RFX3: variants seen among roughly 807,000 people sequenced by gnomAD.
RFX3 encodes transcription factor RFX3.
RFX3 carries 14 observed loss-of-function variants against 98.6 expected under a neutral mutation model. The ratio of observed to expected loss-of-function variants is 0.14; its 90% CI spans 0.09 to 0.22. The LOEUF (loss-of-function observed/expected upper bound fraction) is 0.22, where lower values mean the gene tolerates loss of function less well. Ranked by LOEUF, RFX3 falls within the 10% of genes least tolerant of loss-of-function variation. RFX3 has a pLI of 1.00. For missense variants in RFX3, 639 were observed against 926.9 expected (o/e 0.69, Z 4.03); for synonymous variants, 383 against 328.4 (o/e 1.17, Z -1.80).
At chr9:3,488,683 C>T in intron 1 of RFX3, 1 of 592,806 alleles carries the variant, frequency 1.7e-6, no homozygotes, top group Non-Finnish European at 2.1e-6. Context: ...AGGCCTTAGA[C>T]ACAAAACTAC....
intron 3 of RFX3, among the ~76,000 whole-genome samples, chr9:3,345,268 C>A (rs533575641): frequency 6.6e-6 from 1 of 152,166 alleles, no homozygotes; most frequent in East Asian, 1.9e-4. Context: ...AATGCTATTT[C>A]AGCAGAGAAA....
At chr9:3,266,040 T>C (rs941739408) in intron 12 of RFX3, among the ~76,000 whole-genome samples, 168 bp downstream of exon 12, 35 of 152,058 alleles carry the variant, frequency 2.3e-4, no homozygotes, top group Admixed American at 6.6e-5. Context: ...CTTGTGCAAG[T>C]TCTTTACTAC....
At chr9:3,241,123 C>T (rs1819857226) in intron 15 of RFX3, among the ~76,000 whole-genome samples, 2 of 152,014 alleles carry the variant, frequency 1.3e-5, no homozygotes, top group South Asian at 2.1e-4. Flanking sequence ...AAATTGCTGT[C>T]GTAAGCACCC....
chr9:3,268,670 A>G (rs947584181), intron 11 of RFX3, among the ~76,000 whole-genome samples: 1 of 151,974 alleles, frequency 6.6e-6, no homozygotes, highest in African/African-American at 2.4e-5. Flanking sequence ...CTGGTTTTCA[A>G]ATCAAAATTT....
At chr9:3,310,964 G>A (rs990767170) in intron 4 of RFX3, among the ~76,000 whole-genome samples, 27 of 152,012 alleles carry the variant, frequency 1.8e-4, no homozygotes, top group African/African-American at 5.5e-4. Context: ...ATCGATAAAC[G>A]TTACTCAAAA....
intron 1 of RFX3, among the ~76,000 whole-genome samples, chr9:3,421,420 G>A (rs1218589753): frequency 6.6e-6 from 1 of 152,048 alleles, no homozygotes; most frequent in Non-Finnish European, 1.5e-5. Context: ...AAAGAAAAAA[G>A]GAACATTTAA....
chr9:3,443,550 G>A (rs745769837), intron 1 of RFX3, among the ~76,000 whole-genome samples: 4 of 152,048 alleles, frequency 2.6e-5, no homozygotes, highest in African/African-American at 4.8e-5. Flanking sequence ...CCTTTTTATG[G>A]CTGCATAATA....
At chr9:3,524,991 G>T (rs1306603530) in intron 1 of RFX3, among the ~76,000 whole-genome samples, 1 of 151,926 alleles carries the variant, frequency 6.6e-6, no homozygotes, top group Non-Finnish European at 1.5e-5. Context: ...GGGTGTGTGG[G>T]GGGGGGGAGA....
At chr9:3,389,409 G>C (rs886952906) in intron 2 of RFX3, among the ~76,000 whole-genome samples, 1 of 152,008 alleles carries the variant, frequency 6.6e-6, no homozygotes, top group Admixed American at 6.6e-5. Flanking sequence ...ATGATAGGAT[G>C]GGTAATATCA....
chr9:3,475,423 G>C (rs1011293519), intron 1 of RFX3, among the ~76,000 whole-genome samples: 4 of 151,866 alleles, frequency 2.6e-5, no homozygotes, highest in African/African-American at 9.7e-5. Flanking sequence ...GAAGGGTAAG[G>C]AGTGTGAGTC....
chr9:3,327,891 A>C (rs78172597), intron 4 of RFX3, among the ~76,000 whole-genome samples: 4,564 of 148,314 alleles, frequency 0.031, 102 homozygotes, highest in Non-Finnish European at 0.048. Flanking sequence ...TACCTTATCA[A>C]AAAAAAAATA....
At chr9:3,343,572 T>C (rs1834128368) in intron 3 of RFX3, among the ~76,000 whole-genome samples, 1 of 152,146 alleles carries the variant, frequency 6.6e-6, no homozygotes, top group Non-Finnish European at 1.5e-5. Flanking sequence ...CAAAATAGCT[T>C]ATGCTGAAAA....
At chr9:3,365,736 T>C (rs1349247981) in intron 2 of RFX3, among the ~76,000 whole-genome samples, 2 of 152,094 alleles carry the variant, frequency 1.3e-5, no homozygotes, top group Non-Finnish European at 2.9e-5. Context: ...AAAATGCAAC[T>C]GCATCCTTTA....
intron 3 of RFX3, among the ~76,000 whole-genome samples, chr9:3,331,610 C>T (rs1169815839): frequency 2.0e-5 from 3 of 151,926 alleles, no homozygotes; most frequent in Non-Finnish European, 4.4e-5. Flanking sequence ...CCTTTTTTGT[C>T]CCTTAGTTTC....
chr9:3,259,180 A>T (rs1822541764), intron 13 of RFX3, among the ~76,000 whole-genome samples: 1 of 151,992 alleles, frequency 6.6e-6, no homozygotes, highest in African/African-American at 2.4e-5. Flanking sequence ...GTTTGTTTGC[A>T]CGTTGATAAT....
intron 4 of RFX3, among the ~76,000 whole-genome samples, chr9:3,309,658 T>A (rs1829741505): frequency 6.6e-6 from 1 of 152,078 alleles, no homozygotes; most frequent in Admixed American, 6.6e-5. Flanking sequence ...AAAGAAGGGA[T>A]CAATATTACA....
intron 15 of RFX3, among the ~76,000 whole-genome samples, chr9:3,233,295 C>G (rs775768940): frequency 4.6e-5 from 7 of 152,176 alleles, no homozygotes; most frequent in Non-Finnish European, 2.9e-5. Flanking sequence ...GGCCAGGCAG[C>G]TGGATTGTTC....
At chr9:3,307,897 T>C (rs1319441226) in intron 4 of RFX3, among the ~76,000 whole-genome samples, 1 of 152,196 alleles carries the variant, frequency 6.6e-6, no homozygotes, top group Non-Finnish European at 1.5e-5. Flanking sequence ...TCCTTTCTCT[T>C]AGATTCTTTC....
intron 13 of RFX3, among the ~76,000 whole-genome samples, chr9:3,261,183 C>T (rs1469272258): frequency 6.6e-6 from 1 of 151,850 alleles, no homozygotes; most frequent in South Asian, 2.1e-4. Context: ...TAAAGAATAC[C>T]GTTCAAAGGT....
Sources: gnomAD v4.1 joint callset for allele counts (sites outside exome capture counted in the v4.1 genomes callset) on GRCh38, gnomAD v4.1.1 for gene constraint, MANE v1.5 for transcripts, NCBI Gene and HGNC (gene_info 2026-07-23, HGNC 2026-07-21) for gene names.